HEATR1: variants seen among roughly 807,000 people sequenced by gnomAD.
HEATR1 encodes HEAT repeat containing 1.
HEATR1 carries 77 observed loss-of-function variants against 248.2 expected under a neutral mutation model. The ratio of observed to expected loss-of-function variants is 0.31; its 90% CI spans 0.26 to 0.37. The LOEUF is 0.37. HEATR1 is among the 10% of genes least tolerant of loss of function. The probability of loss-of-function intolerance (pLI) is 1.00; values close to 1 mark genes in which losing one functional copy is unlikely to be tolerated. For synonymous variants in HEATR1, 897 were observed against 923.1 expected, an observed-to-expected ratio of 0.97 and a Z score of 0.51; for missense variants, 2,420 against 2,504.9, an observed-to-expected ratio of 0.97 and a Z score of 0.72.
intron 17 of HEATR1, among the ~76,000 whole-genome samples, 169 bp from the exon 18 acceptor site, chr1:236,583,365 A>G (rs1259436360): frequency 6.6e-6 from 1 of 152,214 alleles, no homozygotes; most frequent in Admixed American, 6.5e-5. Flanking sequence ...ATCACTATTC[A>G]CAAGGAAAGA....
At chr1:236,561,330 C>T (rs1324833896) in intron 32 of HEATR1, 59 bp from the exon 33 acceptor site, 3 of 1,331,170 alleles carry the variant, frequency 2.3e-6, no homozygotes, top group African/African-American at 1.5e-5. Context: ...AAAGTCATTT[C>T]AAGTCAGTTC....
chr1:236,564,439 A>T, intron 32 of HEATR1, 59 bp downstream of exon 32: 3 of 1,490,892 alleles, frequency 2.0e-6, no homozygotes, highest in Non-Finnish European at 2.8e-6. Context: ...ACTGGTTGAG[A>T]ACAGTTCCTT....
In HEATR1 at chr1:236,564,630, C is replaced by T. The variant is rs774604488; in HGVS notation, c.4467G>A (p.Lys1489=). The T allele has an allele frequency of 1.4e-5, 23 of 1,613,084 alleles. No individual in the cohort carries two copies. The African/African-American group carries it at 1.9e-4, about 13-fold the overall frequency. The part of the protein sequence containing the change: ...ETIPKAVSFN[K]SESQEEMLQV... The stretch of plus-strand genomic sequence containing the variant: ...GTAGCATTTCTTCTTGTGATTCACT[C>T]TTATTAAATGACACTGCTTTGGGAA... Residue 1489 remains lysine, a synonymous_variant, in exon 32 of 45, where the codon AAG becomes AAA. Transcript: ENST00000366582.
At chr1:236,575,804 G>C (rs1329334868) in intron 22 of HEATR1, among the ~76,000 whole-genome samples, 2 of 152,118 alleles carry the variant, frequency 1.3e-5, no homozygotes, top group Non-Finnish European at 2.9e-5. Flanking sequence ...CACAATGAAA[G>C]CTCTAAATAT....
chr1:236,564,538 A>T lies in HEATR1; in HGVS notation c.4559T>A (p.Phe1520Tyr). ...ATTGGAAGACAGGAGCTGAGACATG[A>T]AGGACACTGACAAAAATTTAAAATG... is the stretch of plus-strand genomic sequence containing the variant. ...LRHFKFLSVS[F>Y]MSQLLSSNNF... is the part of the protein sequence containing the mutation. Residue 1520 changes from phenylalanine (F) to tyrosine (Y), a missense_variant, in exon 32 of 45, where the codon TTC (phenylalanine) becomes TAC (tyrosine). Phe to Tyr is a conservative substitution (Grantham distance 22, BLOSUM62 3). Coordinates refer to ENST00000366582, the MANE Select transcript of HEATR1 (RefSeq NM_018072.6). 2 of 1,613,970 alleles carry T rather than the reference A, an allele frequency of 1.2e-6. No homozygotes were observed. The highest frequency in any genetic ancestry group is 1.7e-6 in the Non-Finnish European group (2 of 1,179,986).
intron 3 of HEATR1, among the ~76,000 whole-genome samples, chr1:236,601,209 T>C (rs1478957433): frequency 6.6e-6 from 1 of 151,950 alleles, no homozygotes; most frequent in Non-Finnish European, 1.5e-5. Context: ...ATGACTCACT[T>C]GCTTCTTGAA....
At chr1:236,600,935 T>C (rs1369138386) in intron 3 of HEATR1, among the ~76,000 whole-genome samples, 3 of 152,226 alleles carry the variant, frequency 2.0e-5, no homozygotes, top group Admixed American at 2.0e-4. Flanking sequence ...TAATCCTTTA[T>C]TATGGCATTT....
chr1:236,559,818 C>T lies in HEATR1; in HGVS notation c.4666G>A (p.Gly1556Ser), dbSNP rs780485939. ...LEERLLETVLGYISAVAQSME... is the reference protein window; with the variant it reads ...LEERLLETVLSYISAVAQSME... The stretch of plus-strand genomic sequence containing the variant: ...GACTGTGCAACTGCACTGATATAGC[C>T]GAGAACGGTCTCCAGCAACCTGAAA... Residue 1556 changes from glycine (G) to serine (S), a missense_variant, in exon 34 of 45, where the codon GGC becomes AGC. Transcript: ENST00000366582. 16 of 1,609,504 alleles carry T rather than the reference C, an allele frequency of 9.9e-6. No homozygotes were observed. The highest frequency in any genetic ancestry group is 1.6e-4 in the Middle Eastern group (1 of 6,062).
intron 24 of HEATR1, 24 bp from the exon 25 acceptor site, chr1:236,572,852 TTGA>T (rs1663464223): frequency 6.3e-7 from 1 of 1,578,262 alleles, no homozygotes. Flanking sequence ...GGAAGAAGAG[TTGA>T]TGATATAATC....
At position 236,566,764 on chromosome 1, in the gene HEATR1, G is replaced by A. The variant is rs942617105; in HGVS notation, c.4190C>T (p.Pro1397Leu). ...TGTATCAACAAGTTGAACAAGGATG[G>A]GCAGGCGCCTGTGCTCCGGGACGTG... Reference protein sequence around the residue: ...LPHVPEHRRLPILVQLVDTLG... With the variant: ...LPHVPEHRRLLILVQLVDTLG... The change falls in exon 30 of 45, where the codon CCC (proline) becomes CTC (leucine). Residue 1397 changes from proline to leucine, a missense_variant. Transcript: ENST00000366582. The A allele has an allele frequency of 6.2e-7, 1 of 1,614,044 alleles. No homozygotes were observed. Among genetic ancestry groups the A allele is most frequent in the Non-Finnish European group, 8.5e-7 (1 of 1,179,982 alleles).
chr1:236,590,820 C>A, intron 12 of HEATR1, 27 bp downstream of exon 12: 1 of 1,263,492 alleles, frequency 7.9e-7, no homozygotes, highest in South Asian at 1.8e-5. Context: ...AAAAAAAAAC[C>A]ATATAAAAAA....
At chr1:236,567,189 C>T (rs1234543749) in intron 29 of HEATR1, among the ~76,000 whole-genome samples, 5 of 152,022 alleles carry the variant, frequency 3.3e-5, no homozygotes, top group Admixed American at 2.6e-4. Context: ...CTATGTTGAC[C>T]GGGCTGTTCT....
chr1:236,550,830 C>A lies in HEATR1; in HGVS notation c.*72G>T. On this transcript the variant is annotated 3_prime_UTR_variant, in exon 45 of 45. Transcript: ENST00000366582. ...TAAGGCACCAAAAGTAACATGGCAC[C>A]CAACACCCAAAAATAAAAATATGAA... is the stretch of plus-strand genomic sequence containing the variant. 8.3e-7 allele frequency: 1 copy of A among 1,198,800 alleles called. No individual in the cohort carries two copies. Among genetic ancestry groups the A allele is most frequent in the Non-Finnish European group, 1.2e-6 (1 of 842,110 alleles). 74.3% of individuals were successfully genotyped at this position (1,198,800 alleles called of 1,614,324 possible).
Position 236,585,843 on chromosome 1 carries a change from C to T in HEATR1, c.2026G>A (p.Asp676Asn). 1 of 1,612,736 alleles carries T rather than the reference C, an allele frequency of 6.2e-7. No homozygotes were observed. Among genetic ancestry groups the T allele is most frequent in the South Asian group, 1.1e-5 (1 of 90,988 alleles). ...ELLADNINLGDPSSMLKMVED... is the reference protein window; with the variant it reads ...ELLADNINLGNPSSMLKMVED... The stretch of plus-strand genomic sequence containing the variant: ...ACCATCTTTAACATTGAAGAAGGAT[C>T]TCCTAAATTTATATTATCAGCCAAC... The change falls in exon 16 of 45, where the codon GAT becomes AAT. Residue 676 changes from aspartate (D) to asparagine (N), a missense_variant. Physicochemically the swap from Asp to Asn is conservative, Grantham distance 23. Coordinates refer to ENST00000366582, the MANE Select transcript of HEATR1 (RefSeq NM_018072.6).
In HEATR1 at chr1:236,555,653, G is replaced by A. The variant is rs200540326; in HGVS notation, c.5652C>T (p.Asn1884=). ...CCGTTTTTCCAACTTCCTCCAGATC[G>A]TTCTGAAAACAGAAGAGCCCATTTA... is the stretch of plus-strand genomic sequence containing the variant. The part of the protein sequence containing the change: ...ALDFRAQHSE[N]DLEEVGKTEN... The change falls in exon 40 of 45, where the codon AAC becomes AAT. Residue 1884 remains asparagine (N), a splice_region_variant and synonymous_variant. Transcript: ENST00000366582. 1.2e-5 allele frequency: 20 copies of A among 1,614,046 alleles called. No homozygotes were observed. Among genetic ancestry groups the A allele is most frequent in the African/African-American group, 5.3e-5 (4 of 75,036 alleles).
chr1:236,574,171 TA>T, intron 24 of HEATR1, 30 bp downstream of exon 24: 8 of 1,569,024 alleles, frequency 5.1e-6, no homozygotes, highest in East Asian at 2.3e-5. Flanking sequence ...TAAACATTAA[TA>T]AAAAAAATTA....
chr1:236,557,168 T>G (rs1380148552), intron 37 of HEATR1, 27 bp downstream of exon 37: 2 of 1,611,092 alleles, frequency 1.2e-6, no homozygotes, highest in African/African-American at 2.7e-5. Context: ...CCACCCTGCG[T>G]AGCATGTCGT....
In HEATR1 at chr1:236,572,378, A is replaced by G. The variant is rs763994912; in HGVS notation, c.3707+33T>C. On this transcript the variant is annotated intron_variant, in intron 26 of 44. Transcript: ENST00000366582. ...TAAGATGGGCAAGAATTAGAGTCCT[A>G]TTCTCTCACAGATCAAAGCCAAGTG... 3.7e-6 allele frequency: 6 copies of G among 1,608,878 alleles called. 1 individual carries two copies. The highest frequency in any genetic ancestry group is 2.2e-5 in the East Asian group (1 of 44,830).
At chr1:236,551,153 C>A (rs2103118827) in intron 44 of HEATR1, 163 bp from the exon 45 acceptor site, 1 of 570,974 alleles carries the variant, frequency 1.8e-6, no homozygotes, top group East Asian at 2.9e-5. Flanking sequence ...GACCGCCTCC[C>A]TCCACACCGC....
Sources: gnomAD v4.1 joint callset for allele counts (sites outside exome capture counted in the v4.1 genomes callset) on GRCh38, gnomAD v4.1.1 for gene constraint, MANE v1.5 for transcripts, NCBI Gene and HGNC (gene_info 2026-07-23, HGNC 2026-07-21) for gene names.